LRP1B: variants seen among roughly 807,000 people sequenced by gnomAD.
The protein encoded by LRP1B is low-density lipoprotein receptor-related protein 1B.
LRP1B carries 217 observed loss-of-function variants against 556.6 expected under a neutral mutation model. The ratio of observed to expected loss-of-function variants is 0.39; its 90% CI spans 0.35 to 0.44. The LOEUF is 0.44. LRP1B is among the 20% of genes least tolerant of loss of function. The pLI, the probability that LRP1B is intolerant of heterozygous loss-of-function variation, is 1.00. For synonymous variants in LRP1B, 2,047 were observed against 1,865.8 expected (o/e 1.10, Z -2.50); for missense variants, 5,053 against 5,620.8 (o/e 0.90, Z 3.23).
intron 66 of LRP1B, among the ~76,000 whole-genome samples, chr2:140,397,340 C>A (rs1684298753): frequency 6.6e-6 from 1 of 152,010 alleles, no homozygotes. Context: ...CCAATGCTCT[C>A]CCCTCCCCTC....
intron 2 of LRP1B, among the ~76,000 whole-genome samples, chr2:141,761,723 C>T (rs934170824): frequency 2.6e-5 from 4 of 152,238 alleles, no homozygotes; most frequent in African/African-American, 9.6e-5. Context: ...GCAGCCTGTG[C>T]TTTTTGTCAT....
intron 35 of LRP1B, among the ~76,000 whole-genome samples, chr2:140,718,927 T>G (rs552026073): frequency 6.6e-6 from 1 of 151,554 alleles, no homozygotes; most frequent in South Asian, 2.1e-4. Flanking sequence ...TATCCCCTTC[T>G]TATTGAAACT....
At chr2:141,563,835 A>T (rs1686242800) in intron 2 of LRP1B, among the ~76,000 whole-genome samples, 1 of 152,010 alleles carries the variant, frequency 6.6e-6, no homozygotes, top group African/African-American at 2.4e-5. Context: ...GTACTTACGG[A>T]TATAAAGATG....
At chr2:141,759,077 C>G (rs1265607610) in intron 2 of LRP1B, among the ~76,000 whole-genome samples, 1 of 151,988 alleles carries the variant, frequency 6.6e-6, no homozygotes, top group Non-Finnish European at 1.5e-5. Context: ...TATCATCACT[C>G]TAAAAAATGA....
At chr2:140,531,262 A>G (rs1314166192) in intron 47 of LRP1B, among the ~76,000 whole-genome samples, 2 of 152,080 alleles carry the variant, frequency 1.3e-5, no homozygotes, top group African/African-American at 4.8e-5. Context: ...CTTAATGCCT[A>G]TATTATATTT....
chr2:140,267,160 T>C (rs900623002), intron 86 of LRP1B, among the ~76,000 whole-genome samples: 3 of 152,034 alleles, frequency 2.0e-5, no homozygotes, highest in African/African-American at 7.2e-5. Flanking sequence ...GTACAGAGTA[T>C]TTATTAGGTC....
intron 7 of LRP1B, among the ~76,000 whole-genome samples, chr2:141,140,397 T>C (rs532906517): frequency 4.6e-5 from 7 of 152,214 alleles, no homozygotes; most frequent in Admixed American, 2.0e-4. Context: ...ATGATATACA[T>C]TGGGTGCTGT....
At chr2:140,757,116 C>T (rs1688766139) in intron 35 of LRP1B, among the ~76,000 whole-genome samples, 1 of 152,112 alleles carries the variant, frequency 6.6e-6, no homozygotes, top group Non-Finnish European at 1.5e-5. Context: ...AATGAGATAC[C>T]ACTTTATATT....
chr2:142,006,047 T>A (rs1702791174), intron 1 of LRP1B, among the ~76,000 whole-genome samples: 1 of 152,140 alleles, frequency 6.6e-6, no homozygotes, highest in African/African-American at 2.4e-5. Context: ...ATTTTCATTA[T>A]GAAAATTGTT....
intron 72 of LRP1B, 46 bp downstream of exon 72, chr2:140,364,615 G>T: frequency 1.3e-6 from 2 of 1,595,838 alleles, no homozygotes; most frequent in East Asian, 4.5e-5. Flanking sequence ...TGGTGCCTGA[G>T]ATCAGAAGAT....
At chr2:141,318,295 G>C (rs541255298) in intron 3 of LRP1B, among the ~76,000 whole-genome samples, 1 of 152,196 alleles carries the variant, frequency 6.6e-6, no homozygotes, top group South Asian at 2.1e-4. Flanking sequence ...ACATACACAA[G>C]AAACAAGAGA....
intron 66 of LRP1B, among the ~76,000 whole-genome samples, chr2:140,415,072 C>T (rs1411603105): frequency 6.6e-6 from 1 of 152,168 alleles, no homozygotes; most frequent in East Asian, 1.9e-4. Flanking sequence ...GACTGAGATA[C>T]ACCTTGGTCT....
In LRP1B at chr2:141,666,316, T is replaced by C. The variant is rs189052202; in HGVS notation, c.205+143963A>G. ...GAAGCAGGGTGGGGCTAGATTACAA[T>C]ACAAGCAGGTAAATGTAAAGCCTTA... On this transcript the variant is annotated intron_variant, in intron 2 of 90. Transcript: ENST00000389484. Among the ~76,000 whole-genome samples, 252 of 152,212 alleles carry C rather than the reference T, an allele frequency of 1.7e-3. 2 individuals are homozygous for C. Among genetic ancestry groups the C allele is most frequent in the Non-Finnish European group, 2.7e-3 (183 of 68,006 alleles).
In LRP1B at chr2:140,487,605, A is replaced by G. The variant is rs1377533708; in HGVS notation, c.9243+12T>C. 2 of 1,603,224 alleles carry G rather than the reference A, an allele frequency of 1.2e-6. No homozygotes were observed. Among genetic ancestry groups the G allele is most frequent in the Admixed American group, 1.7e-5 (1 of 59,280 alleles). ...AATATTCAACAATCCCATCATTGTA[A>G]TATTTAGTTACCTTAATGTCACTTC... On this transcript the variant is annotated intron_variant, in intron 58 of 90. Coordinates refer to ENST00000389484, the MANE Select transcript of LRP1B (RefSeq NM_018557.3).
At chr2:141,801,664 T>G (rs1696011544) in intron 2 of LRP1B, among the ~76,000 whole-genome samples, 1 of 152,174 alleles carries the variant, frequency 6.6e-6, no homozygotes, top group Non-Finnish European at 1.5e-5. Flanking sequence ...CTTTTTCATT[T>G]GCATAGTAAC....
chr2:140,742,301 CTCTTT>C (rs1205587175), intron 35 of LRP1B, among the ~76,000 whole-genome samples: 1 of 152,126 alleles, frequency 6.6e-6, no homozygotes, highest in South Asian at 2.1e-4. Flanking sequence ...AATGGCTCCT[CTCTTT>C]TAAGAAACAT....
chr2:141,165,284 A>G (rs1680203620), intron 7 of LRP1B, among the ~76,000 whole-genome samples: 1 of 152,030 alleles, frequency 6.6e-6, no homozygotes, highest in Non-Finnish European at 1.5e-5. Flanking sequence ...TTTTTGACAC[A>G]GTCCAGGCCC....
intron 63 of LRP1B, among the ~76,000 whole-genome samples, chr2:140,445,618 GAAT>G (rs1180750369): frequency 7.3e-5 from 11 of 151,710 alleles, no homozygotes; most frequent in African/African-American, 2.4e-4. Context: ...TATTATCTGG[GAAT>G]AATAATAATA....
At chr2:142,061,719 T>C (rs1371885553) in intron 1 of LRP1B, among the ~76,000 whole-genome samples, 1 of 152,032 alleles carries the variant, frequency 6.6e-6, no homozygotes, top group East Asian at 1.9e-4. Flanking sequence ...ATTGATAATA[T>C]ATCTTCTTTA....
Sources: allele counts gnomAD v4.1 joint callset (sites outside exome capture counted in the v4.1 genomes callset), GRCh38; gene constraint gnomAD v4.1.1; transcripts MANE v1.5; gene names NCBI Gene and HGNC (gene_info 2026-07-23, HGNC 2026-07-21).